Variants in NPIPB11 observed in about 807,000 individuals in gnomAD.
NPIPB11 encodes the protein nuclear pore complex interacting protein family member B11.
A neutral mutation model predicts 32.8 loss-of-function variants in NPIPB11; 17 were observed. That is an observed-to-expected ratio of 0.52 (90% CI 0.35 to 0.78). The LOEUF (loss-of-function observed/expected upper bound fraction) is 0.78. Ranked by LOEUF, NPIPB11 falls within the 30% of genes least tolerant of loss-of-function variation. The pLI is 0.01. For missense variants in NPIPB11, 537 were observed against 1,000.4 expected, an observed-to-expected ratio of 0.54 and a Z score of 6.25; for synonymous variants, 209 against 398.4, an observed-to-expected ratio of 0.52 and a Z score of 5.66.
chr16:29,389,665 C>A, intron 5 of NPIPB11, among the ~76,000 whole-genome samples: 2 of 34,882 alleles, frequency 5.7e-5, no homozygotes, highest in Admixed American at 5.5e-4. Flanking sequence ...AGCTCCATCT[C>A]AGGAAAAAAA....
At chr16:29,388,915 G>A (rs1963634683) in intron 5 of NPIPB11, among the ~76,000 whole-genome samples, 2 of 128,120 alleles carry the variant, frequency 1.6e-5, no homozygotes, top group East Asian at 2.3e-4. Flanking sequence ...ACAAAAATTG[G>A]GCCGGGCACG....
At chr16:29,405,825 G>A (rs940808408), upstream of NPIPB11, among the ~76,000 whole-genome samples, 1 of 152,118 alleles carries the variant, frequency 6.6e-6, no homozygotes, top group African/African-American at 2.4e-5. Flanking sequence ...GTAATCAGGT[G>A]GCAAATGGAG....
intron 5 of NPIPB11, among the ~76,000 whole-genome samples, chr16:29,389,348 C>A (rs1432341156): frequency 8.0e-6 from 1 of 124,742 alleles, no homozygotes; most frequent in African/African-American, 3.2e-5. Flanking sequence ...GGCGACAGAG[C>A]GTGACTCTAT....
intron 2 of NPIPB11, among the ~76,000 whole-genome samples, chr16:29,402,722 C>CTGTTTG: frequency 8.8e-6 from 1 of 113,810 alleles, no homozygotes; most frequent in East Asian, 2.8e-4. Flanking sequence ...CTCTCTCTCT[C>CTGTTTG]TCTGTGTGTG....
chr16:29,389,835 G>A (rs1963668805), intron 5 of NPIPB11, 106 bp downstream of exon 5: 20 of 1,558,962 alleles, frequency 1.3e-5, no homozygotes, highest in Non-Finnish European at 1.6e-5. Flanking sequence ...TGAACCTACT[G>A]AATTTGCCAC....
chr16:29,391,959 C>G (rs962588071), intron 3 of NPIPB11, among the ~76,000 whole-genome samples: 1 of 151,978 alleles, frequency 6.6e-6, no homozygotes, highest in Non-Finnish European at 1.5e-5. Flanking sequence ...GACCTCAAGT[C>G]ATCCACCTGC....
chr16:29,400,964 C>T (rs903449591), intron 2 of NPIPB11, among the ~76,000 whole-genome samples: 1 of 152,120 alleles, frequency 6.6e-6, no homozygotes, highest in Admixed American at 6.5e-5. Flanking sequence ...CGGCAGGGTA[C>T]AGGCTCGCAC....
At chr16:29,405,992 G>A (rs1435060352), upstream of NPIPB11, among the ~76,000 whole-genome samples, 2 of 152,266 alleles carry the variant, frequency 1.3e-5, no homozygotes, top group South Asian at 4.1e-4. Flanking sequence ...TGCTTTGGAA[G>A]TCTCTGGTTA....
upstream of NPIPB11, among the ~76,000 whole-genome samples, chr16:29,404,722 TC>T (rs1964074432): frequency 1.3e-5 from 2 of 151,206 alleles, no homozygotes; most frequent in African/African-American, 4.9e-5. Flanking sequence ...CCTCCTCGCA[TC>T]CCCACAGATG....
At chr16:29,398,857 C>A (rs1415302262) in intron 2 of NPIPB11, among the ~76,000 whole-genome samples, 1 of 152,046 alleles carries the variant, frequency 6.6e-6, no homozygotes, top group East Asian at 1.9e-4. Flanking sequence ...CCCCCCTAAC[C>A]CACCTAGACA....
exon 3 of NPIPB11, chr16:29,394,021 G>C (rs1422550607): frequency 8.8e-6 from 14 of 1,599,384 alleles, no homozygotes; most frequent in Non-Finnish European, 1.1e-5. Flanking sequence ...ATGTAACCAA[G>C]GACTTCCACC....
At chr16:29,393,430 T>A (rs919914509) in intron 3 of NPIPB11, among the ~76,000 whole-genome samples, 20 of 152,044 alleles carry the variant, frequency 1.3e-4, no homozygotes, top group Non-Finnish European at 1.9e-4. Context: ...TCTATCTCCC[T>A]CTCCCCTCAG....
At chr16:29,392,248 G>C (rs1170496750) in intron 3 of NPIPB11, among the ~76,000 whole-genome samples, 1 of 152,118 alleles carries the variant, frequency 6.6e-6, no homozygotes, top group Non-Finnish European at 1.5e-5. Context: ...TGACAAGCAA[G>C]GAAATGCCAT....
rs75421074 is a variant in NPIPB11, at chr16:29,382,304, G to C, written c.2628C>G (p.His876Gln). 5 of 1,591,756 alleles carry C rather than the reference G, an allele frequency of 3.1e-6. 1 individual carries two copies. The highest frequency in any genetic ancestry group is 1.4e-5 in the African/African-American group (1 of 69,172). Residue 876 changes from histidine (H) to glutamine (Q), a missense_variant, in exon 8 of 8, where the codon CAC becomes CAG. His to Gln is a conservative substitution (Grantham distance 24, BLOSUM62 0). Transcript: ENST00000524087. ...GACGCTCCCCGCAGACGCTCGGCAG[G>C]TGTCTTGATATTATCATCTGCTGAG...
At chr16:29,394,471 G>C (rs1389268725) in intron 2 of NPIPB11, among the ~76,000 whole-genome samples, 1 of 147,198 alleles carries the variant, frequency 6.8e-6, no homozygotes, top group Non-Finnish European at 1.5e-5. Flanking sequence ...GCTCCACTCA[G>C]TCGCCCAGGC....
chr16:29,397,611 A>C, intron 2 of NPIPB11: 3 of 1,487,272 alleles, frequency 2.0e-6, no homozygotes, highest in Non-Finnish European at 2.7e-6. Flanking sequence ...GAGCCCAAAG[A>C]GGAGCCAAAA....
intron 2 of NPIPB11, 90 bp from the exon 3 acceptor site, chr16:29,394,166 C>T: frequency 7.0e-7 from 1 of 1,420,010 alleles, no homozygotes; most frequent in Non-Finnish European, 9.6e-7. Flanking sequence ...CCGTCAACCT[C>T]CTCCAAAAGG....
exon 8 of NPIPB11, chr16:29,381,483 G>T: frequency 7.9e-7 from 1 of 1,272,648 alleles, no homozygotes; most frequent in South Asian, 1.3e-5. Flanking sequence ...GGGTGATGAT[G>T]GTTCCACGTC....
Position 29,382,295 on chromosome 16 carries a change from G to T in NPIPB11, c.2637C>A (p.Ser879Arg). The T allele has an allele frequency of 2.5e-6, 4 of 1,596,884 alleles. 1 individual carries two copies. In the East Asian group the frequency reaches 9.0e-5, roughly 36 times the overall value. ...GAACCCACAGACGCTCCCCGCAGAC[G>T]CTCGGCAGGTGTCTTGATATTATCA... The change falls in exon 8 of 8, where the codon AGC (serine) becomes AGA (arginine). Residue 879 changes from serine to arginine, a missense_variant. Transcript: ENST00000524087.
Sources: gnomAD v4.1 joint callset for allele counts (sites outside exome capture counted in the v4.1 genomes callset) on GRCh38, gnomAD v4.1.1 for gene constraint, MANE v1.5 for transcripts, NCBI Gene and HGNC (gene_info 2026-07-23, HGNC 2026-07-21) for gene names.